The following PTPRN2 variants were observed in gnomAD, a reference collection of about 807,000 sequenced individuals.
PTPRN2 encodes protein tyrosine phosphatase receptor type N2, also known as receptor-type tyrosine-protein phosphatase N2.
Under a neutral mutation model 118.8 loss-of-function variants are expected in PTPRN2, and 74 were observed. The ratio of observed to expected loss-of-function variants is 0.62; its 90% CI spans 0.52 to 0.76. The LOEUF is 0.76. Among genes scored for constraint, PTPRN2 ranks in the 30% least tolerant of loss-of-function variants. PTPRN2 has a pLI of 0.00. For missense variants in PTPRN2, 1,481 were observed against 1,394.4 expected (o/e 1.06, Z -0.99); for synonymous variants, 641 against 608.0 (o/e 1.05, Z -0.80).
Position 158,587,820 on chromosome 7 carries a change from G to C in PTPRN2, c.-151C>G, listed in dbSNP as rs1829075168. The C allele has an allele frequency of 1.3e-6, 1 of 752,612 alleles. No homozygotes were observed. The highest frequency in any genetic ancestry group is 1.6e-6 in the Non-Finnish European group (1 of 619,856). The allele number at this position is 752,612 out of a possible 1,614,324, so 46.6% of individuals were successfully genotyped here. A position where few individuals can be genotyped will look rare whatever the true frequency, so the allele number is the denominator to read the frequency against. On this transcript the variant is annotated 5_prime_UTR_variant, in exon 1 of 23. Coordinates refer to ENST00000389418, the MANE Select transcript of PTPRN2 (RefSeq NM_002847.5). ...CGACGCCGGGCCGAGCTTCAGCACCGGACAGCGCCCGGCCCCGCCCCGGCC... is the reference window on the plus strand; with the variant it reads ...CGACGCCGGGCCGAGCTTCAGCACCCGACAGCGCCCGGCCCCGCCCCGGCC...
chr7:157,649,246 G>A (rs1585169692), intron 14 of PTPRN2, among the ~76,000 whole-genome samples: 6 of 93,052 alleles, frequency 6.4e-5, no homozygotes, highest in Non-Finnish European at 9.4e-5. Flanking sequence ...TCGGTGGGTT[G>A]GACCCATTCA....
chr7:157,716,514 T>C (rs111410975), intron 12 of PTPRN2, among the ~76,000 whole-genome samples: 20 of 43,464 alleles, frequency 4.6e-4, no homozygotes, highest in African/African-American at 1.0e-3. Context: ...CACTGCCTGG[T>C]CACACAGACT....
At chr7:158,196,349 C>A (rs1298464136) in intron 4 of PTPRN2, among the ~76,000 whole-genome samples, 1 of 152,230 alleles carries the variant, frequency 6.6e-6, no homozygotes, top group Non-Finnish European at 1.5e-5. Context: ...CTGAGCACCA[C>A]TGTCCCTGAG....
intron 2 of PTPRN2, among the ~76,000 whole-genome samples, chr7:158,378,928 C>T (rs747408150): frequency 7.9e-5 from 12 of 152,318 alleles, no homozygotes; most frequent in South Asian, 6.2e-4. Flanking sequence ...GAGAAGACCC[C>T]GCTCCCAGTC....
chr7:158,007,795 T>G (rs1230883244), intron 11 of PTPRN2, among the ~76,000 whole-genome samples: 2 of 144,842 alleles, frequency 1.4e-5, no homozygotes, highest in South Asian at 2.3e-4. Context: ...TGTGTGTGGG[T>G]GGGTGTGCTG....
At chr7:157,547,146 G>C (rs1798361782) in intron 22 of PTPRN2, among the ~76,000 whole-genome samples, 1 of 152,196 alleles carries the variant, frequency 6.6e-6, no homozygotes, top group South Asian at 2.1e-4. Context: ...ATTTCCTGGG[G>C]CTTATCCCAG....
At chr7:157,718,618 A>G (rs1047649568) in intron 12 of PTPRN2, among the ~76,000 whole-genome samples, 1 of 151,068 alleles carries the variant, frequency 6.6e-6, no homozygotes, top group South Asian at 2.1e-4. Flanking sequence ...GTGACACTGC[A>G]GCCTCTCTCG....
intron 14 of PTPRN2, 103 bp downstream of exon 14, chr7:157,656,254 C>T: frequency 8.0e-7 from 1 of 1,243,082 alleles, no homozygotes; most frequent in South Asian, 1.5e-5. Context: ...GCCATCATCG[C>T]CCAGTCCCCG....
chr7:157,540,629 T>G lies in PTPRN2; in HGVS notation c.*85A>C. On this transcript the variant is annotated 3_prime_UTR_variant, in exon 23 of 23. Transcript: ENST00000389418. ...GGGCCCTATTACTATGCAGTTATAA[T>G]AGAAGACACACAATTAAAGTCAGAT... 8.3e-7 allele frequency: 1 copy of G among 1,198,320 alleles called. No homozygotes were observed. The highest frequency in any genetic ancestry group is 1.2e-6 in the Non-Finnish European group (1 of 836,632). 74.2% of individuals were successfully genotyped at this position (1,198,320 alleles called of 1,614,324 possible).
intron 15 of PTPRN2, among the ~76,000 whole-genome samples, chr7:157,606,345 C>T (rs549374253): frequency 1.3e-5 from 2 of 152,076 alleles, no homozygotes; most frequent in Admixed American, 6.5e-5. Flanking sequence ...TCCTCCCCAG[C>T]GTGGGGGTGG....
intron 2 of PTPRN2, among the ~76,000 whole-genome samples, chr7:158,322,546 G>A (rs1462395399): frequency 2.0e-5 from 3 of 151,634 alleles, no homozygotes; most frequent in African/African-American, 4.8e-5. Flanking sequence ...CGGCCAGGAG[G>A]GAGCAGCTCC....
At chr7:158,087,237 C>A (rs1813495330) in intron 10 of PTPRN2, among the ~76,000 whole-genome samples, 1 of 152,234 alleles carries the variant, frequency 6.6e-6, no homozygotes, top group Non-Finnish European at 1.5e-5. Flanking sequence ...CGCTGTACTG[C>A]TTTCTCAGGG....
chr7:158,358,859 G>A (rs1454920981), intron 2 of PTPRN2, among the ~76,000 whole-genome samples: 1 of 152,218 alleles, frequency 6.6e-6, no homozygotes, highest in African/African-American at 2.4e-5. Context: ...GGTGGATGGT[G>A]GTGATGGCTA....
chr7:158,429,967 G>A (rs1376462511), intron 2 of PTPRN2, among the ~76,000 whole-genome samples: 5 of 152,144 alleles, frequency 3.3e-5, no homozygotes, highest in African/African-American at 1.2e-4. Context: ...GAGTGCAATG[G>A]TACAATCTTG....
chr7:158,048,132 TACAC>T (rs111759966), intron 11 of PTPRN2, among the ~76,000 whole-genome samples: 17 of 149,986 alleles, frequency 1.1e-4, no homozygotes, highest in East Asian at 2.0e-4. Context: ...CACATATGTA[TACAC>T]ACACACACAC....
chr7:157,814,058 C>T (rs1246977225), intron 12 of PTPRN2, among the ~76,000 whole-genome samples: 2 of 152,232 alleles, frequency 1.3e-5, no homozygotes, highest in Admixed American at 6.5e-5. Flanking sequence ...AGGCAGTGGT[C>T]GCCACACCCA....
At chr7:157,548,824 A>G (rs977297843) in intron 22 of PTPRN2, 122 bp downstream of exon 22, 3 of 1,025,688 alleles carry the variant, frequency 2.9e-6, no homozygotes, top group East Asian at 4.9e-5. Context: ...GAGGCCGGTC[A>G]GAGCAGAGCA....
chr7:158,147,783 C>A (rs1457370207), intron 6 of PTPRN2, among the ~76,000 whole-genome samples: 9 of 126,594 alleles, frequency 7.1e-5, no homozygotes, highest in Non-Finnish European at 1.1e-4. Context: ...CGTGTTATTC[C>A]CCCTCACTGA....
rs1393761520 is a variant in PTPRN2 at position 158,546,436 on chromosome 7, C to A, written c.112+41122G>T. 1.3e-5 allele frequency among the ~76,000 whole-genome samples: 2 copies of A among 152,214 alleles called. No individual in the cohort carries two copies. Among genetic ancestry groups the A allele is most frequent in the Non-Finnish European group, 2.9e-5 (2 of 68,022 alleles). ...CCACAGCCCGGAATGGTGCTGGAAT[C>A]ACAGCCGCCGGGTTAAGGGGCTCAT... is the stretch of plus-strand genomic sequence containing the variant. On this transcript the variant is annotated intron_variant, in intron 1 of 22. Coordinates refer to ENST00000389418, the MANE Select transcript of PTPRN2 (RefSeq NM_002847.5). This position sits in a 1 kb window ranked among gnomAD's most constrained non-coding sequence, Gnocchi z 5.0.
Sources: allele counts gnomAD v4.1 joint callset (sites outside exome capture counted in the v4.1 genomes callset), GRCh38; gene constraint gnomAD v4.1.1; non-coding constraint Gnocchi (gnomAD v3.1); transcripts MANE v1.5; gene names NCBI Gene and HGNC (gene_info 2026-07-23, HGNC 2026-07-21).